VMP1: variants seen among roughly 807,000 people sequenced by gnomAD.
The protein encoded by VMP1 is ectopic P-granules autophagy protein 3 homolog.
In VMP1, 11 loss-of-function variants were observed where a neutral mutation model predicts 56.0. The observed-to-expected ratio is 0.20, with a 90% CI of 0.12 to 0.32. VMP1 has a LOEUF of 0.32. Ranked by LOEUF, VMP1 falls within the 10% of genes least tolerant of loss-of-function variation. VMP1 has a pLI of 1.00. For missense variants in VMP1, 296 were observed against 490.3 expected, an observed-to-expected ratio of 0.60 and a Z score of 3.74; for synonymous variants, 149 against 165.0, an observed-to-expected ratio of 0.90 and a Z score of 0.74.
At chr17:59,744,112 G>C (rs2035329890) in intron 5 of VMP1, among the ~76,000 whole-genome samples, 1 of 149,908 alleles carries the variant, frequency 6.7e-6, no homozygotes, top group Non-Finnish European at 1.5e-5. Context: ...TTTAAATCAT[G>C]AATCTGTTGG....
chr17:59,707,694 C>T lies in VMP1; in HGVS notation c.-81C>T, dbSNP rs1263899677. 1 of 152,250 alleles carries T rather than the reference C, an allele frequency of 6.6e-6. No homozygotes were observed. The highest frequency in any genetic ancestry group is 1.5e-5 in the Non-Finnish European group (1 of 68,136). 9.4% of individuals were successfully genotyped at this position (152,250 alleles called of 1,614,324 possible). ...GGAGCCCAGCGGCGGGTGTGAGAGT[C>T]CGTAAGGAGCAGCTTCCAGGATCCT... On this transcript the variant is annotated 5_prime_UTR_variant, in exon 1 of 12. Transcript: ENST00000262291.
At chr17:59,801,436 T>C (rs984542875) in intron 7 of VMP1, among the ~76,000 whole-genome samples, 4 of 151,454 alleles carry the variant, frequency 2.6e-5, no homozygotes, top group African/African-American at 9.7e-5. Flanking sequence ...TAATTAGTTA[T>C]AGAGACTTGG....
chr17:59,709,727 A>G (rs2033832272), intron 1 of VMP1, among the ~76,000 whole-genome samples: 1 of 152,180 alleles, frequency 6.6e-6, no homozygotes. Context: ...ATGGTTAATA[A>G]ATAGGTTCCT....
intron 7 of VMP1, among the ~76,000 whole-genome samples, chr17:59,785,411 T>C (rs569101762): frequency 3.3e-5 from 5 of 152,172 alleles, no homozygotes; most frequent in Non-Finnish European, 4.4e-5. Context: ...TGATGACTCA[T>C]GCCTGTAATC....
At position 59,840,069 on chromosome 17, in the gene VMP1, C is replaced by T; in HGVS notation, c.*158C>T. ...TTAGTCCATACTTTGCACTGACATA[C>T]TTTTTCCTTCTGTGCTAAGGTAAGG... is the stretch of plus-strand genomic sequence containing the variant. On this transcript the variant is annotated 3_prime_UTR_variant, in exon 12 of 12. Transcript: ENST00000262291. 1 of 875,202 alleles carries T rather than the reference C, an allele frequency of 1.1e-6. No homozygotes were observed. Among genetic ancestry groups the T allele is most frequent in the Non-Finnish European group, 1.7e-6 (1 of 589,218 alleles). 54.2% of individuals were successfully genotyped at this position (875,202 alleles called of 1,614,324 possible). A position where few individuals can be genotyped will look rare whatever the true frequency, so the allele number is the denominator to read the frequency against.
intron 10 of VMP1, among the ~76,000 whole-genome samples, chr17:59,828,324 A>C (rs918510122): frequency 6.6e-6 from 1 of 152,194 alleles, no homozygotes; most frequent in Admixed American, 6.5e-5. Context: ...AATAATGCTA[A>C]ATCTCCAAAA....
intron 6 of VMP1, 27 bp from the exon 7 acceptor site, chr17:59,773,727 T>A (rs2036520635): frequency 6.4e-7 from 1 of 1,571,932 alleles, no homozygotes; most frequent in African/African-American, 1.4e-5. Flanking sequence ...CAGAACCTCA[T>A]TGTAAGTATT....
intron 6 of VMP1, among the ~76,000 whole-genome samples, chr17:59,771,864 A>T (rs2036438448): frequency 6.6e-6 from 1 of 151,822 alleles, no homozygotes; most frequent in African/African-American, 2.4e-5. Context: ...GATAGGTGCG[A>T]GCCATGACGT....
intron 1 of VMP1, among the ~76,000 whole-genome samples, chr17:59,724,526 G>T (rs552246884): frequency 6.6e-6 from 1 of 152,128 alleles, no homozygotes; most frequent in South Asian, 2.1e-4. Flanking sequence ...ATAAAAATTA[G>T]CCTGTCGTGG....
intron 10 of VMP1, among the ~76,000 whole-genome samples, chr17:59,832,697 G>A (rs1431884266): frequency 1.3e-5 from 2 of 149,018 alleles, no homozygotes; most frequent in African/African-American, 2.5e-5. Flanking sequence ...GGGTTCAAGC[G>A]ATTCTCCTTC....
intron 1 of VMP1, among the ~76,000 whole-genome samples, chr17:59,711,994 T>C (rs2033951181): frequency 6.6e-6 from 1 of 152,228 alleles, no homozygotes; most frequent in South Asian, 2.1e-4. Flanking sequence ...CTAGCTCTAT[T>C]ACTATGCAAC....
At chr17:59,788,063 A>G (rs1483472777) in intron 7 of VMP1, among the ~76,000 whole-genome samples, 1 of 152,254 alleles carries the variant, frequency 6.6e-6, no homozygotes, top group African/African-American at 2.4e-5. Flanking sequence ...TTTTGATGAC[A>G]AAGCAATTAT....
chr17:59,715,127 C>T (rs564837154), intron 1 of VMP1, among the ~76,000 whole-genome samples: 15 of 152,126 alleles, frequency 9.9e-5, no homozygotes, highest in Non-Finnish European at 1.8e-4. Flanking sequence ...CAATTGTTTT[C>T]GCTACTCTAA....
intron 5 of VMP1, among the ~76,000 whole-genome samples, chr17:59,748,113 G>A (rs901190530): frequency 6.7e-6 from 1 of 150,206 alleles, no homozygotes; most frequent in African/African-American, 2.5e-5. Context: ...GGAGAATGGC[G>A]TGAACCCAGG....
chr17:59,752,217 T>C (rs1014471768), intron 5 of VMP1, among the ~76,000 whole-genome samples: 2 of 152,218 alleles, frequency 1.3e-5, no homozygotes, highest in African/African-American at 2.4e-5. Context: ...AAAGCAATTA[T>C]AGACAGTACA....
chr17:59,736,809 G>A (rs946000274), intron 3 of VMP1, among the ~76,000 whole-genome samples: 12 of 151,360 alleles, frequency 7.9e-5, no homozygotes, highest in Admixed American at 4.6e-4. Flanking sequence ...TTGAGGGGCC[G>A]AGGCAGGCAG....
At chr17:59,813,774 C>T (rs982582868) in intron 9 of VMP1, among the ~76,000 whole-genome samples, 2 of 152,106 alleles carry the variant, frequency 1.3e-5, no homozygotes, top group Non-Finnish European at 1.5e-5. Context: ...ATAACAAGAA[C>T]TTCTCTAGTA....
intron 2 of VMP1, 58 bp downstream of exon 2, chr17:59,731,580 T>C: frequency 1.6e-6 from 2 of 1,275,966 alleles, no homozygotes; most frequent in Non-Finnish European, 2.1e-6. Context: ...ATACTTTTCA[T>C]TGGAATAAAA....
intron 7 of VMP1, among the ~76,000 whole-genome samples, chr17:59,792,876 A>ATT (rs2037291389): frequency 6.5e-5 from 5 of 77,120 alleles, no homozygotes; most frequent in Admixed American, 1.5e-4. Context: ...TAATAATAAT[A>ATT]ATTATTATTA....
Sources: allele counts gnomAD v4.1 joint callset (sites outside exome capture counted in the v4.1 genomes callset), GRCh38; gene constraint gnomAD v4.1.1; transcripts MANE v1.5; gene names NCBI Gene and HGNC (gene_info 2026-07-23, HGNC 2026-07-21).